SREK1IP1: variants seen among roughly 807,000 people sequenced by gnomAD.
SREK1IP1 encodes the protein protein SREK1IP1.
In SREK1IP1, 12 loss-of-function variants were observed where a neutral mutation model predicts 22.8. The ratio of observed to expected loss-of-function variants is 0.53; its 90% confidence interval spans 0.34 to 0.85. The LOEUF (loss-of-function observed/expected upper bound fraction) is 0.85. Ranked by LOEUF, SREK1IP1 falls within the 40% of genes least tolerant of loss-of-function variation. The pLI is 0.02. For missense variants in SREK1IP1, 147 were observed against 171.8 expected (o/e 0.86, Z 0.81); for synonymous variants, 53 against 52.7 (o/e 1.01, Z -0.02).
At chr5:64,738,760 A>C (rs1742506868) in intron 3 of SREK1IP1, among the ~76,000 whole-genome samples, 1 of 152,182 alleles carries the variant, frequency 6.6e-6, no homozygotes, top group Admixed American at 6.6e-5. Flanking sequence ...GTCTTGGGTC[A>C]AGTGTATATC....
intron 2 of SREK1IP1, among the ~76,000 whole-genome samples, chr5:64,742,226 T>C (rs1742564063): frequency 1.3e-5 from 2 of 152,148 alleles, no homozygotes; most frequent in South Asian, 4.1e-4. Flanking sequence ...GCTGTACTAT[T>C]GATAGAAACG....
In SREK1IP1 at chr5:64,719,470, G is replaced by A. The variant is rs908257835; in HGVS notation, c.*4914C>T. 5 of 152,090 alleles carry A rather than the reference G, an allele frequency of 3.3e-5. No homozygotes were observed. Among genetic ancestry groups the A allele is most frequent in the Admixed American group, 2.6e-4 (4 of 15,264 alleles). 9.4% of individuals were successfully genotyped at this position (152,090 alleles called of 1,614,324 possible). A position where few individuals can be genotyped will look rare whatever the true frequency, so the allele number is the denominator to read the frequency against. On this transcript the variant is annotated 3_prime_UTR_variant, in exon 5 of 5. Coordinates refer to ENST00000513458, the MANE Select transcript of SREK1IP1 (RefSeq NM_173829.4). ...GTGAAAGTTTATAAAGCTTTTATGG[G>A]TGCTTCTTGATCTTTGATACAACTT...
intron 2 of SREK1IP1, among the ~76,000 whole-genome samples, chr5:64,745,666 T>C (rs1032632001): frequency 1.3e-5 from 2 of 152,064 alleles, no homozygotes; most frequent in Non-Finnish European, 2.9e-5. Flanking sequence ...CATCCTCTCA[T>C]TGAAATGAAT....
At chr5:64,734,433 A>G (rs1357806906) in intron 3 of SREK1IP1, among the ~76,000 whole-genome samples, 2 of 151,870 alleles carry the variant, frequency 1.3e-5, no homozygotes, top group Non-Finnish European at 2.9e-5. Flanking sequence ...TTTTAGAGAT[A>G]AGGTCTTGCT....
intron 3 of SREK1IP1, among the ~76,000 whole-genome samples, chr5:64,735,348 A>G (rs2112092449): frequency 6.6e-6 from 1 of 152,022 alleles, no homozygotes; most frequent in African/African-American, 2.4e-5. Context: ...TTTTCTTGTA[A>G]TATCTTAATC....
intron 2 of SREK1IP1, among the ~76,000 whole-genome samples, chr5:64,745,804 A>G (rs1742624134): frequency 6.6e-6 from 1 of 151,670 alleles, no homozygotes; most frequent in Non-Finnish European, 1.5e-5. Flanking sequence ...AAAACTACAA[A>G]TAAAGTTTCT....
At chr5:64,730,462 T>TG (rs1471432166) in intron 3 of SREK1IP1, among the ~76,000 whole-genome samples, 1 of 152,010 alleles carries the variant, frequency 6.6e-6, no homozygotes, top group East Asian at 1.9e-4. Flanking sequence ...ATTGAAATGA[T>TG]GACGCAGAGA....
chr5:64,725,436 T>C (rs1742245716), intron 4 of SREK1IP1, among the ~76,000 whole-genome samples: 1 of 152,192 alleles, frequency 6.6e-6, no homozygotes, highest in Non-Finnish European at 1.5e-5. Flanking sequence ...AGAGTTAGTT[T>C]AGTGATCTAA....
chr5:64,756,925 A>G (rs1238558550), intron 1 of SREK1IP1, among the ~76,000 whole-genome samples: 4 of 152,190 alleles, frequency 2.6e-5, no homozygotes, highest in Non-Finnish European at 5.9e-5. Context: ...TTTTCCTGGT[A>G]AAGGGCATAT....
At chr5:64,732,065 T>A (rs1442204319) in intron 3 of SREK1IP1, among the ~76,000 whole-genome samples, 1 of 152,224 alleles carries the variant, frequency 6.6e-6, no homozygotes, top group Non-Finnish European at 1.5e-5. Context: ...TGCTATAGGC[T>A]ACTTATCTCT....
In SREK1IP1 at chr5:64,730,291, T is replaced by G. The variant is rs73097633; in HGVS notation, c.206-2112A>C. 1.3e-3 allele frequency among the ~76,000 whole-genome samples: 195 copies of G among 152,052 alleles called. 1 individual carries two copies. The highest frequency in any genetic ancestry group is 4.6e-3 in the African/African-American group (189 of 41,470). On this transcript the variant is annotated intron_variant, in intron 3 of 4. Transcript: ENST00000513458. ...AAAAGTATTTAAAGACCTTGACAAG[T>G]GGACTGAAAAACAAATGGAAATAAA...
Position 64,768,622 on chromosome 5 carries a change from CA to C in SREK1IP1, c.-106del, listed in dbSNP as rs373662665. The C allele has an allele frequency of 0.012, 18,101 of 1,527,612 alleles. 186 individuals carry two copies. Among genetic ancestry groups the C allele is most frequent in the Non-Finnish European group, 0.012 (13,249 of 1,107,660 alleles). 94.6% of individuals were successfully genotyped at this position (1,527,612 alleles called of 1,614,324 possible). On this transcript the variant is annotated 5_prime_UTR_variant, in exon 1 of 5. Transcript: ENST00000513458. The stretch of plus-strand genomic sequence containing the variant: ...AGTCAAAGCGGCGTTTTCCTTCCCC[CA>C]GCGCAGCAGCACCCTCGCTACGGTC...
intron 1 of SREK1IP1, among the ~76,000 whole-genome samples, chr5:64,762,413 A>G (rs1742965706): frequency 6.6e-6 from 1 of 152,184 alleles, no homozygotes; most frequent in South Asian, 2.1e-4. Context: ...GGGAACCTAT[A>G]AAGACAATTT....
At chr5:64,760,763 C>A (rs1363030316) in intron 1 of SREK1IP1, among the ~76,000 whole-genome samples, 1 of 152,196 alleles carries the variant, frequency 6.6e-6, no homozygotes, top group Non-Finnish European at 1.5e-5. Context: ...GACTGGCGAG[C>A]CATCTTTTCA....
chr5:64,725,865 T>C (rs969102650), intron 4 of SREK1IP1, among the ~76,000 whole-genome samples: 51 of 147,786 alleles, frequency 3.5e-4, no homozygotes, highest in East Asian at 3.9e-4. Flanking sequence ...TTGTTTCTTT[T>C]TTTTTTTTTT....
intron 3 of SREK1IP1, among the ~76,000 whole-genome samples, chr5:64,732,471 T>A (rs947553717): frequency 2.0e-5 from 3 of 152,204 alleles, no homozygotes; most frequent in Non-Finnish European, 4.4e-5. Context: ...TACAGTATCA[T>A]TTATAATTTT....
At chr5:64,755,245 A>G (rs1458450357) in intron 1 of SREK1IP1, among the ~76,000 whole-genome samples, 3 of 152,170 alleles carry the variant, frequency 2.0e-5, no homozygotes, top group Non-Finnish European at 4.4e-5. Flanking sequence ...CATTTTACCA[A>G]AAAGAAACAT....
intron 3 of SREK1IP1, among the ~76,000 whole-genome samples, chr5:64,731,103 G>C (rs1742370792): frequency 6.6e-6 from 1 of 152,096 alleles, no homozygotes; most frequent in African/African-American, 2.4e-5. Context: ...CTGAGAACAA[G>C]GTCCAGGGTG....
intron 2 of SREK1IP1, among the ~76,000 whole-genome samples, chr5:64,751,076 T>C (rs1239294726): frequency 5.3e-5 from 8 of 152,158 alleles, no homozygotes; most frequent in Non-Finnish European, 1.0e-4. Flanking sequence ...GACCTACAAA[T>C]CTACTTAAAC....
Sources: gnomAD v4.1 joint callset for allele counts (sites outside exome capture counted in the v4.1 genomes callset) on GRCh38, gnomAD v4.1.1 for gene constraint, MANE v1.5 for transcripts, NCBI Gene and HGNC (gene_info 2026-07-23, HGNC 2026-07-21) for gene names.